The following BTBD2 variants were observed in gnomAD, a reference collection of about 807,000 sequenced individuals.
The protein encoded by BTBD2 is BTB domain containing 2.
BTBD2 carries 15 observed loss-of-function variants against 44.0 expected under a neutral mutation model. The observed-to-expected ratio is 0.34, with a 90% CI of 0.23 to 0.53. The LOEUF is 0.53. BTBD2 is among the 20% of genes least tolerant of loss of function. The probability of loss-of-function intolerance (pLI) is 0.95; values close to 1 mark genes in which losing one functional copy is unlikely to be tolerated. For synonymous variants in BTBD2, 443 were observed against 335.9 expected, an observed-to-expected ratio of 1.32 and a Z score of -3.49; for missense variants, 657 against 746.4, an observed-to-expected ratio of 0.88 and a Z score of 1.39.
Position 1,987,574 on chromosome 19 carries a change from C to G in BTBD2, c.1107G>C (p.Gly369=), listed in dbSNP as rs373275888. 5.0e-6 allele frequency: 8 copies of G among 1,612,226 alleles called. No individual in the cohort carries two copies. The African/African-American group carries it at 9.3e-5, about 19-fold the overall frequency. The change falls in exon 6 of 9, where the codon GGG becomes GGC. Residue 369 remains glycine, a synonymous_variant. Transcript: ENST00000255608. ...GGAAGCGGTTGATGCTGCACTCCTT[C>G]CCACGCAGGCAGCAGCGGGGCCGGT... The part of the protein sequence containing the change: ...FIDRPRCCLR[G]KECSINRFQQ...
chr19:1,986,661 A>G lies in BTBD2; in HGVS notation c.1417-12T>C. On this transcript the variant is annotated splice_polypyrimidine_tract_variant and intron_variant, in intron 8 of 8. Coordinates refer to ENST00000255608, the MANE Select transcript of BTBD2 (RefSeq NM_017797.4). Reference sequence around the variant, plus strand: ...TGGGAGTCTGGGCCCTGTAGGGAATAGGGGTACAGTGAGGTCAAGGACCAC... The same window carrying G: ...TGGGAGTCTGGGCCCTGTAGGGAATGGGGGTACAGTGAGGTCAAGGACCAC... 1.9e-6 allele frequency: 3 copies of G among 1,612,722 alleles called. No homozygotes were observed. The highest frequency in any genetic ancestry group is 2.5e-6 in the Non-Finnish European group (3 of 1,179,132).
chr19:2,010,434 C>T (rs1276417829), intron 1 of BTBD2, among the ~76,000 whole-genome samples: 6 of 152,154 alleles, frequency 3.9e-5, no homozygotes, highest in Non-Finnish European at 8.8e-5. Context: ...GACCCCTGCG[C>T]GACGGTCCAG....
chr19:1,998,453 G>T (rs2016280805), intron 1 of BTBD2, among the ~76,000 whole-genome samples: 2 of 152,244 alleles, frequency 1.3e-5, no homozygotes, highest in African/African-American at 4.8e-5. Flanking sequence ...AGGCAGCAGG[G>T]GTGGCCCCAG....
At chr19:1,999,370 G>T (rs1036511639) in intron 1 of BTBD2, among the ~76,000 whole-genome samples, 4 of 152,192 alleles carry the variant, frequency 2.6e-5, no homozygotes, top group Non-Finnish European at 5.9e-5. Flanking sequence ...GGTGTTTTTG[G>T]AAGGAGGAGA....
intron 2 of BTBD2, among the ~76,000 whole-genome samples, chr19:1,995,819 T>A (rs1412395197): frequency 2.6e-5 from 4 of 151,740 alleles, no homozygotes; most frequent in Non-Finnish European, 5.9e-5. Flanking sequence ...TTATTTTTTA[T>A]TTATTTTTTC....
In BTBD2 at chr19:1,993,032, C is replaced by T; in HGVS notation, c.672G>A (p.Met224Ile). 1 of 1,596,412 alleles carries T rather than the reference C, an allele frequency of 6.3e-7. No individual in the cohort carries two copies. The highest frequency in any genetic ancestry group is 8.5e-7 in the Non-Finnish European group (1 of 1,176,694). Residue 224 changes from methionine to isoleucine, a missense_variant, in exon 3 of 9, where the codon ATG becomes ATA. Physicochemically the swap from Met to Ile is conservative, Grantham distance 10. This residue lies in a region of BTBD2 where 449 missense variants were observed against 510.9 expected (regional missense o/e 0.88). Transcript: ENST00000255608. Reference protein sequence around the residue: ...KKNLRADNAFMLLTQARLFDE... With the variant: ...KKNLRADNAFILLTQARLFDE... ...CGGCCCCGCCCACCTGCGTGAGCAG[C>T]ATGAAGGCGTTGTCGGCTCGCAGGT...
intron 2 of BTBD2, among the ~76,000 whole-genome samples, chr19:1,996,795 C>G (rs1235188705): frequency 6.6e-6 from 1 of 152,084 alleles, no homozygotes; most frequent in African/African-American, 2.4e-5. Context: ...TCACTTGAAC[C>G]AGGAAGTCGG....
chr19:2,006,559 A>C (rs1196593357), intron 1 of BTBD2, among the ~76,000 whole-genome samples: 1 of 152,064 alleles, frequency 6.6e-6, no homozygotes, highest in Non-Finnish European at 1.5e-5. Context: ...CCTTAGAAAG[A>C]CCAATCTCCT....
At chr19:1,999,554 G>A (rs1053404990) in intron 1 of BTBD2, among the ~76,000 whole-genome samples, 27 of 151,906 alleles carry the variant, frequency 1.8e-4, no homozygotes, top group Non-Finnish European at 3.7e-4. Flanking sequence ...CAATCCTAGC[G>A]ACTCAGGAGG....
chr19:1,996,588 A>C (rs1018417294), intron 2 of BTBD2, among the ~76,000 whole-genome samples: 6 of 151,764 alleles, frequency 4.0e-5, no homozygotes, highest in Admixed American at 1.3e-4. Flanking sequence ...AAAGAAAAAG[A>C]AAAGCAGGGA....
At chr19:1,987,789 G>C (rs889000103) in intron 5 of BTBD2, 97 bp from the exon 6 acceptor site, 38 of 1,257,494 alleles carry the variant, frequency 3.0e-5, no homozygotes, top group Non-Finnish European at 3.9e-5. Context: ...TGTCTGCGTC[G>C]GACTTTCAAG....
intron 6 of BTBD2, 53 bp downstream of exon 6, chr19:1,987,447 C>T: frequency 6.9e-7 from 1 of 1,449,252 alleles, no homozygotes; most frequent in Non-Finnish European, 9.3e-7. Flanking sequence ...TCCGTCATCC[C>T]CGAGTCCTCC....
intron 6 of BTBD2, 115 bp downstream of exon 6, chr19:1,987,385 C>A (rs1228484452): frequency 8.6e-6 from 12 of 1,401,280 alleles, no homozygotes; most frequent in Non-Finnish European, 1.0e-5. Flanking sequence ...GGCGGCCCCC[C>A]CGCCGTCTTC....
chr19:1,990,073 G>T lies in BTBD2; in HGVS notation c.919C>A (p.Arg307=). Reference sequence around the variant, plus strand: ...CCCAGGGCCTTGCCCAGAACCTTCCGCCTGTTCTCTGGCGTCACCTGCAGC... The same window carrying T: ...CCCAGGGCCTTGCCCAGAACCTTCCTCCTGTTCTCTGGCGTCACCTGCAGC... ...QQLQVTPENR[R]KVLGKALGLI... Residue 307 remains arginine, a synonymous_variant, in exon 5 of 9, where the codon CGG becomes AGG. Transcript: ENST00000255608. 1 of 1,613,256 alleles carries T rather than the reference G, an allele frequency of 6.2e-7. No homozygotes were observed. Among genetic ancestry groups the T allele is most frequent in the Non-Finnish European group, 8.5e-7 (1 of 1,180,030 alleles).
intron 2 of BTBD2, 74 bp from the exon 3 acceptor site, chr19:1,993,250 C>T: frequency 1.3e-6 from 2 of 1,509,192 alleles, no homozygotes; most frequent in African/African-American, 1.4e-5. Context: ...CAGGGGACCA[C>T]TCAGACCGTT....
intron 1 of BTBD2, chr19:2,013,420 G>A (rs1045474584): frequency 4.6e-5 from 36 of 781,462 alleles, no homozygotes; most frequent in Middle Eastern, 6.4e-4. Flanking sequence ...GAGGGACCCC[G>A]GAGCTGGGGG....
rs1194642381 is a variant in BTBD2, at chr19:1,986,560, G to A, written c.1506C>T (p.Cys502=). The A allele has an allele frequency of 1.9e-6, 3 of 1,613,986 alleles. No individual in the cohort carries two copies. Among genetic ancestry groups the A allele is most frequent in the East Asian group, 4.5e-5 (2 of 44,898 alleles). ...TTGAKTCFTF[C]YAAGNNNGTS... ...TGCCATTGTTGTTCCCGGCCGCGTA[G>A]CAAAAGGTGAAGCAGGTCTTGGCGC... is the stretch of plus-strand genomic sequence containing the variant. Residue 502 remains cysteine, a synonymous_variant, in exon 9 of 9, where the codon TGC becomes TGT. Coordinates refer to ENST00000255608, the MANE Select transcript of BTBD2 (RefSeq NM_017797.4).
intron 1 of BTBD2, among the ~76,000 whole-genome samples, chr19:2,012,030 A>AT (rs1255922152): frequency 6.7e-6 from 1 of 148,976 alleles, no homozygotes; most frequent in Admixed American, 6.7e-5. Context: ...AATTTTTTGT[A>AT]TTTTTAGTAG....
chr19:2,005,010 C>T (rs937304617), intron 1 of BTBD2, among the ~76,000 whole-genome samples: 4 of 151,432 alleles, frequency 2.6e-5, no homozygotes, highest in Admixed American at 6.6e-5. Flanking sequence ...TTAGTAGAGA[C>T]GGGGTTTCAC....
Sources: gnomAD v4.1 joint callset for allele counts (sites outside exome capture counted in the v4.1 genomes callset) on GRCh38, gnomAD v4.1.1 for gene constraint, gnomAD v4.1.1 regional missense constraint, MANE v1.5 for transcripts, NCBI Gene and HGNC (gene_info 2026-07-23, HGNC 2026-07-21) for gene names.